IQSEC1: variants seen among roughly 807,000 people sequenced by gnomAD.
IQSEC1 encodes IQ motif and Sec7 domain ArfGEF 1.
A neutral mutation model predicts 91.0 loss-of-function variants in IQSEC1; 31 were observed. The observed-to-expected ratio is 0.34, with a 90% confidence interval of 0.26 to 0.46. The LOEUF (loss-of-function observed/expected upper bound fraction) is 0.46. Among genes scored for constraint, IQSEC1 ranks in the 20% least tolerant of loss-of-function variants. The pLI is 1.00. For missense variants in IQSEC1, 1,388 were observed against 1,575.6 expected (o/e 0.88, Z 2.02); for synonymous variants, 699 against 662.6 (o/e 1.05, Z -0.84).
intron 1 of IQSEC1, among the ~76,000 whole-genome samples, chr3:13,209,319 C>T (rs1307000379): frequency 1.3e-5 from 2 of 152,246 alleles, no homozygotes; most frequent in Non-Finnish European, 2.9e-5. Context: ...CTCTCTCCCT[C>T]CCTCTCCAAT....
intron 2 of IQSEC1, among the ~76,000 whole-genome samples, chr3:13,078,807 C>A (rs541514233): frequency 6.6e-6 from 1 of 152,292 alleles, no homozygotes; most frequent in African/African-American, 2.4e-5. Flanking sequence ...CCTCCCTCTC[C>A]CAGCTGCCCC....
At chr3:13,186,129 A>G (rs1693926536) in intron 1 of IQSEC1, among the ~76,000 whole-genome samples, 1 of 152,214 alleles carries the variant, frequency 6.6e-6, no homozygotes, top group African/African-American at 2.4e-5. Flanking sequence ...AGCAGGGGCA[A>G]TCATTAAAGC....
At position 12,936,643 on chromosome 3, in the gene IQSEC1, G is replaced by A. The variant is rs762645084; in HGVS notation, c.373C>T (p.Arg125Cys). 6 of 1,607,748 alleles carry A rather than the reference G, an allele frequency of 3.7e-6. No homozygotes were observed. The highest frequency in any genetic ancestry group is 1.7e-5 in the Admixed American group (1 of 59,352). ...GGRLVTRHAARTIQTAFRQYQ... is the reference protein window; with the variant it reads ...GGRLVTRHAACTIQTAFRQYQ... ...TGGCGAAACGCCGTCTGGATGGTGC[G>A]GGCCGCATGGCGGGTTACCAGGCGC... The change falls in exon 3 of 14, where the codon CGC becomes TGC. Residue 125 changes from arginine to cysteine, a missense_variant. By Grantham distance (180) the Arg-to-Cys change is radical. Around this residue, in one of 2 missense-constraint regions of IQSEC1, gnomAD observed 1,059 missense variants for 1,317.8 expected, o/e 0.80. Coordinates refer to ENST00000613206, the MANE Select transcript of IQSEC1 (RefSeq NM_001134382.3).
At chr3:13,075,135 A>T (rs1232937151), upstream of IQSEC1, among the ~76,000 whole-genome samples, 1 of 152,180 alleles carries the variant, frequency 6.6e-6, no homozygotes, top group Admixed American at 6.5e-5. Context: ...TCTGTGGGTT[A>T]ACATGTTGCA....
intron 1 of IQSEC1, among the ~76,000 whole-genome samples, chr3:13,175,690 C>T (rs994596119): frequency 2.0e-5 from 3 of 152,208 alleles, no homozygotes; most frequent in South Asian, 2.1e-4. Context: ...TATTCCTCGA[C>T]GTTTGAGAGG....
At chr3:13,166,187 G>T (rs1332617596) in intron 1 of IQSEC1, among the ~76,000 whole-genome samples, 1 of 152,172 alleles carries the variant, frequency 6.6e-6, no homozygotes, top group Middle Eastern at 3.2e-3. Flanking sequence ...ACGTTTTTGG[G>T]GTCACTTGTT....
chr3:13,193,270 C>T lies in IQSEC1; in HGVS notation c.273-29137G>A, dbSNP rs1694067324. The stretch of plus-strand genomic sequence containing the variant: ...AGTGTGGAGTTCAACAGATCCACAG[C>T]TTCAGCCCCACTGATGACTGCGCTT... On this transcript the variant is annotated intron_variant, in intron 1 of 15. Transcript: ENST00000648114. The surrounding 1 kb of genome is among the most constrained non-coding windows in gnomAD (Gnocchi z 4.2). Among the ~76,000 whole-genome samples the T allele has an allele frequency of 6.6e-6, 1 of 152,254 alleles. No homozygotes were observed. The highest frequency in any genetic ancestry group is 2.4e-5 in the African/African-American group (1 of 41,468).
intron 1 of IQSEC1, among the ~76,000 whole-genome samples, chr3:12,982,226 A>T (rs189567978): frequency 5.9e-5 from 9 of 152,332 alleles, no homozygotes; most frequent in African/African-American, 2.2e-4. Flanking sequence ...AAACACGCTT[A>T]AAAAAAGTAT....
intron 1 of IQSEC1, among the ~76,000 whole-genome samples, chr3:13,205,879 TCCC>T (rs1196918803): frequency 7.7e-6 from 1 of 130,574 alleles, no homozygotes; most frequent in South Asian, 2.8e-4. Context: ...CACTCATCGA[TCCC>T]CCCATTCATC....
At chr3:13,105,611 G>T (rs374999115) in intron 2 of IQSEC1, among the ~76,000 whole-genome samples, 4 of 151,976 alleles carry the variant, frequency 2.6e-5, no homozygotes, top group African/African-American at 9.7e-5. Flanking sequence ...TCCCTCCACT[G>T]CCCCTCCATC....
rs12112 is a variant in IQSEC1, at chr3:12,898,109, A to G, written c.*2874T>C. The G allele has an allele frequency of 6.6e-6, 1 of 152,268 alleles. No homozygotes were observed. Among genetic ancestry groups the G allele is most frequent in the African/African-American group, 2.4e-5 (1 of 41,458 alleles). The allele number at this position is 152,268 out of a possible 1,614,324, so 9.4% of individuals were successfully genotyped here. On this transcript the variant is annotated 3_prime_UTR_variant, in exon 14 of 14. Transcript: ENST00000613206. ...TCCTCACAGTGAGAAGGGACCAGGC[A>G]GACATCCTGGGGCCCTCGGCCTCCT...
rs994632711 is a variant in IQSEC1 at position 13,259,509 on chromosome 3, G to A, written c.272+23202C>T. ...CCTCATTTCCAGAAGCCCAACCTCC[G>A]AATCAGGGAAATACAGCCGACTCCC... is the stretch of plus-strand genomic sequence containing the variant. On this transcript the variant is annotated intron_variant, in intron 1 of 15. Transcript: ENST00000648114. This position sits in a 1 kb window ranked among gnomAD's most constrained non-coding sequence, Gnocchi z 4.6. Among the ~76,000 whole-genome samples, 16 of 152,156 alleles carry A rather than the reference G, an allele frequency of 1.1e-4. No homozygotes were observed. The highest frequency in any genetic ancestry group is 2.0e-4 in the Admixed American group (3 of 15,276).
chr3:13,065,504 T>A (rs755689340), intron 1 of IQSEC1, among the ~76,000 whole-genome samples: 1 of 152,210 alleles, frequency 6.6e-6, no homozygotes, highest in Non-Finnish European at 1.5e-5. Flanking sequence ...CACACTTTTA[T>A]TCAAGAGGGG....
chr3:13,196,740 A>ATGTG (rs1273865525), intron 1 of IQSEC1, among the ~76,000 whole-genome samples: 1 of 130,396 alleles, frequency 7.7e-6, no homozygotes, highest in Non-Finnish European at 1.6e-5. Flanking sequence ...GTGTATGTAC[A>ATGTG]TGTGTGTGCG....
chr3:13,200,666 C>T (rs1694228096), intron 1 of IQSEC1, among the ~76,000 whole-genome samples: 1 of 152,218 alleles, frequency 6.6e-6, no homozygotes, highest in Non-Finnish European at 1.5e-5. Flanking sequence ...CTAGCCCCTG[C>T]TCTCCAGGCT....
intron 12 of IQSEC1, among the ~76,000 whole-genome samples, chr3:12,905,494 C>T (rs1057087616): frequency 1.4e-4 from 21 of 152,402 alleles, no homozygotes; most frequent in Middle Eastern, 3.4e-3. Flanking sequence ...TCGACTCCTT[C>T]GCTGCAGCTG....
chr3:13,224,344 C>G (rs1694716248), intron 1 of IQSEC1, among the ~76,000 whole-genome samples: 2 of 152,156 alleles, frequency 1.3e-5, no homozygotes, highest in Admixed American at 1.3e-4. Flanking sequence ...GGTGGAAGGG[C>G]CTGGGAGGAG....
chr3:13,057,293 T>C (rs1704912217), intron 1 of IQSEC1, among the ~76,000 whole-genome samples: 1 of 152,160 alleles, frequency 6.6e-6, no homozygotes, highest in Admixed American at 6.5e-5. Flanking sequence ...CCTGAGCCCC[T>C]GACCTAAAAC....
rs1449800565 is a variant in IQSEC1, at chr3:12,899,781, G to GATGA, written c.*1198_*1201dup. The GATGA allele has an allele frequency of 3.0e-6, 3 of 985,282 alleles. No homozygotes were observed. In the African/African-American group the frequency reaches 5.2e-5, roughly 17 times the overall value. The allele number at this position is 985,282 out of a possible 1,614,324, so 61.0% of individuals were successfully genotyped here. On this transcript the variant is annotated 3_prime_UTR_variant, in exon 14 of 14. Coordinates refer to ENST00000613206, the MANE Select transcript of IQSEC1 (RefSeq NM_001134382.3). ...ACCTTCAGGTTCGAGAGTGGTTCCT[G>GATGA]ATGAAAACACTCTCTGAGGGCTTCG...
Sources: gnomAD v4.1 joint callset for allele counts (sites outside exome capture counted in the v4.1 genomes callset) on GRCh38, gnomAD v4.1.1 for gene constraint, gnomAD v4.1.1 regional missense constraint, Gnocchi (gnomAD v3.1) non-coding constraint, MANE v1.5 for transcripts, NCBI Gene and HGNC (gene_info 2026-07-23, HGNC 2026-07-21) for gene names.